Variants in DLGAP2 observed in about 807,000 individuals in gnomAD.
DLGAP2 encodes the protein disks large-associated protein 2.
In DLGAP2, 26 loss-of-function variants were observed where a neutral mutation model predicts 100.3. The observed-to-expected ratio is 0.26, with a 90% CI of 0.19 to 0.36. The LOEUF is 0.36. DLGAP2 is among the 10% of genes least tolerant of loss of function. The pLI, the probability that DLGAP2 is intolerant of heterozygous loss-of-function variation, is 1.00. For missense variants in DLGAP2, 1,858 were observed against 1,453.2 expected, an observed-to-expected ratio of 1.28 and a Z score of -4.53; for synonymous variants, 886 against 630.1, an observed-to-expected ratio of 1.41 and a Z score of -6.08.
intron 6 of DLGAP2, among the ~76,000 whole-genome samples, chr8:1,593,565 G>A (rs1490650176): frequency 6.6e-6 from 1 of 152,168 alleles, no homozygotes; most frequent in Non-Finnish European, 1.5e-5. Context: ...AGATGCTCGG[G>A]AGATTCTCTC....
chr8:905,696 G>T (rs1439113744), intron 1 of DLGAP2, among the ~76,000 whole-genome samples: 1 of 152,110 alleles, frequency 6.6e-6, no homozygotes, highest in Non-Finnish European at 1.5e-5. Flanking sequence ...GGGTTTGGAG[G>T]GGTGGTCACG....
intron 1 of DLGAP2, among the ~76,000 whole-genome samples, chr8:869,255 C>G (rs1018485448): frequency 6.6e-6 from 1 of 152,210 alleles, no homozygotes; most frequent in African/African-American, 2.4e-5. Flanking sequence ...CAGTGTGGAT[C>G]TTCTGTTACT....
intron 1 of DLGAP2, among the ~76,000 whole-genome samples, chr8:862,443 C>T (rs1017682013): frequency 7.2e-5 from 11 of 152,116 alleles, no homozygotes; most frequent in African/African-American, 2.7e-4. Context: ...GCTGAGACTA[C>T]AGGCACCCAC....
intron 6 of DLGAP2, among the ~76,000 whole-genome samples, chr8:1,607,694 G>A (rs1433113361): frequency 5.3e-5 from 8 of 152,058 alleles, no homozygotes; most frequent in Admixed American, 5.2e-4. Flanking sequence ...CACCGGGCGC[G>A]AGCCGAAGCA....
At chr8:854,905 C>A (rs976216871) in intron 1 of DLGAP2, among the ~76,000 whole-genome samples, 1 of 152,250 alleles carries the variant, frequency 6.6e-6, no homozygotes, top group Non-Finnish European at 1.5e-5. Flanking sequence ...TGAGGAACGG[C>A]ATGCCCGGAT....
At chr8:866,118 G>C (rs1202067187) in intron 1 of DLGAP2, among the ~76,000 whole-genome samples, 1 of 152,144 alleles carries the variant, frequency 6.6e-6, no homozygotes, top group Admixed American at 6.5e-5. Context: ...GTGGCGGGCA[G>C]AGTCCTCTGC....
intron 2 of DLGAP2, among the ~76,000 whole-genome samples, chr8:1,082,019 C>G (rs1176321709): frequency 6.6e-6 from 1 of 152,134 alleles, no homozygotes; most frequent in African/African-American, 2.4e-5. Context: ...TTTCCCTGTT[C>G]TGAAAATGGC....
chr8:1,064,142 G>GCGGTGTGGGA (rs1213277065), intron 2 of DLGAP2, among the ~76,000 whole-genome samples: 1 of 152,182 alleles, frequency 6.6e-6, no homozygotes, highest in Non-Finnish European at 1.5e-5. Flanking sequence ...GGCTGGTGGG[G>GCGGTGTGGGA]CGGTGTGGGA....
chr8:933,305 C>T (rs990516906), intron 2 of DLGAP2, among the ~76,000 whole-genome samples: 9 of 152,222 alleles, frequency 5.9e-5, no homozygotes, highest in Non-Finnish European at 1.0e-4. Context: ...GCCATGGTCC[C>T]GGGGGTGAGG....
At chr8:1,366,142 T>G (rs547616351) in intron 3 of DLGAP2, among the ~76,000 whole-genome samples, 37 of 152,328 alleles carry the variant, frequency 2.4e-4, no homozygotes, top group African/African-American at 8.9e-4. Flanking sequence ...AGTTGAAAAG[T>G]TTCCTATTTT....
chr8:1,360,622 C>T (rs1801961539), intron 3 of DLGAP2, among the ~76,000 whole-genome samples: 1 of 152,224 alleles, frequency 6.6e-6, no homozygotes, highest in African/African-American at 2.4e-5. Flanking sequence ...CCACCTCAGC[C>T]AGGGACATAT....
At chr8:1,429,699 A>G (rs1584891810) in intron 3 of DLGAP2, among the ~76,000 whole-genome samples, 1 of 151,842 alleles carries the variant, frequency 6.6e-6, no homozygotes, top group Admixed American at 6.6e-5. Context: ...CAGCAGGCAC[A>G]TGGCACAACT....
In DLGAP2 at chr8:1,569,496, C is replaced by CA. The variant is rs5888846; in HGVS notation, c.1442+3612dup. 8.6e-4 allele frequency among the ~76,000 whole-genome samples: 130 copies of CA among 150,724 alleles called. 1 individual carries two copies. In the South Asian group the frequency reaches 0.017, roughly 19 times the overall value. On this transcript the variant is annotated intron_variant, in intron 6 of 14. Transcript: ENST00000637795. ...GGGGTTAATGTAATGAAAGTTTCTG[C>CA]AAAAAAAAAATATTATGTTACCAGG...
intron 2 of DLGAP2, among the ~76,000 whole-genome samples, chr8:1,196,665 A>G (rs1230860559): frequency 6.6e-6 from 1 of 152,160 alleles, no homozygotes; most frequent in Non-Finnish European, 1.5e-5. Flanking sequence ...TGAAAACCAC[A>G]TATGTCAGGA....
At chr8:898,544 T>C (rs542828646) in intron 1 of DLGAP2, among the ~76,000 whole-genome samples, 28 of 152,280 alleles carry the variant, frequency 1.8e-4, no homozygotes, top group African/African-American at 6.7e-4. Flanking sequence ...TTGGGGGTGC[T>C]GTGTGCAGGG....
At chr8:1,539,297 G>A (rs533910941) in intron 4 of DLGAP2, among the ~76,000 whole-genome samples, 17 of 152,312 alleles carry the variant, frequency 1.1e-4, no homozygotes, top group African/African-American at 3.6e-4. Context: ...GCTGTTGGCC[G>A]GATGCCTTCC....
intron 2 of DLGAP2, among the ~76,000 whole-genome samples, chr8:983,557 C>T (rs140106094): frequency 3.9e-5 from 6 of 152,344 alleles, no homozygotes; most frequent in South Asian, 2.1e-4. Context: ...GGATATGTCA[C>T]GTAACTTCCC....
At chr8:1,520,294 G>C (rs1367216415) in intron 4 of DLGAP2, among the ~76,000 whole-genome samples, 1 of 152,160 alleles carries the variant, frequency 6.6e-6, no homozygotes, top group Non-Finnish European at 1.5e-5. Flanking sequence ...GCACACGGAG[G>C]GGAGCGATGC....
chr8:1,353,820 C>G (rs556738409), intron 3 of DLGAP2, among the ~76,000 whole-genome samples: 1 of 152,016 alleles, frequency 6.6e-6, no homozygotes, highest in Admixed American at 6.5e-5. Context: ...AATACATTGA[C>G]ACAAAATTTT....
Sources: allele counts gnomAD v4.1 joint callset (sites outside exome capture counted in the v4.1 genomes callset), GRCh38; gene constraint gnomAD v4.1.1; transcripts MANE v1.5; gene names NCBI Gene and HGNC (gene_info 2026-07-23, HGNC 2026-07-21).